CRYBG1: variants seen among roughly 807,000 people sequenced by gnomAD.
CRYBG1 encodes the protein beta/gamma crystallin domain-containing protein 1.
CRYBG1 carries 139 observed loss-of-function variants against 189.2 expected under a neutral mutation model. The observed-to-expected ratio is 0.73, with a 90% CI of 0.64 to 0.85. The LOEUF is 0.85. Ranked by LOEUF, CRYBG1 falls within the 40% of genes least tolerant of loss-of-function variation. The pLI is 0.00. For missense variants in CRYBG1, 2,611 were observed against 2,675.8 expected (o/e 0.98, Z 0.53); for synonymous variants, 1,023 against 1,017.1 (o/e 1.01, Z -0.11).
chr6:106,532,713 T>C (rs1371194870), intron 8 of CRYBG1, among the ~76,000 whole-genome samples: 1 of 152,234 alleles, frequency 6.6e-6, no homozygotes, highest in African/African-American at 2.4e-5. Flanking sequence ...CTTCTTTAAA[T>C]AAATGTACTG....
chr6:106,518,381 A>G (rs956907091), intron 3 of CRYBG1, among the ~76,000 whole-genome samples: 1 of 152,258 alleles, frequency 6.6e-6, no homozygotes, highest in Non-Finnish European at 1.5e-5. Flanking sequence ...TCCTTTTGAG[A>G]TAATATTTAA....
chr6:106,519,230 A>G lies in CRYBG1; in HGVS notation c.2022A>G (p.Lys674=). ...ATCCATTTAGCCAGCCAGTTCACAA[A>G]GGCAACACTGCCACCAAAATCTCCT... ...EHNPFSQPVH[K]GNTATKISLF... is the part of the protein sequence containing the mutation. Residue 674 remains lysine (K), a synonymous_variant, in exon 4 of 22, where the codon AAA becomes AAG. Coordinates refer to ENST00000633556, the MANE Select transcript of CRYBG1 (RefSeq NM_001371242.2). 2 of 1,614,128 alleles carry G rather than the reference A, an allele frequency of 1.2e-6. No homozygotes were observed. Among genetic ancestry groups the G allele is most frequent in the Non-Finnish European group, 1.7e-6 (2 of 1,180,020 alleles).
intron 6 of CRYBG1, 25 bp downstream of exon 6, chr6:106,525,411 G>T (rs1300667861): frequency 1.9e-6 from 3 of 1,564,464 alleles, no homozygotes; most frequent in Non-Finnish European, 2.6e-6. Context: ...TTAAGTTCCT[G>T]ATGTCAAGTG....
intron 13 of CRYBG1, among the ~76,000 whole-genome samples, chr6:106,549,653 TG>T (rs1279488456): frequency 6.9e-6 from 1 of 144,790 alleles, no homozygotes. Context: ...AATCGGGGGA[TG>T]GGGGGTGGTA....
chr6:106,456,319 A>AT (rs34545384), intron 2 of CRYBG1, among the ~76,000 whole-genome samples: 3,570 of 142,380 alleles, frequency 0.025, 99 homozygotes, highest in African/African-American at 0.071. Flanking sequence ...ATGCCCAGCT[A>AT]TTTTTTTTTT....
chr6:106,401,468 C>T (rs1478508104), intron 1 of CRYBG1, among the ~76,000 whole-genome samples: 1 of 135,850 alleles, frequency 7.4e-6, no homozygotes, highest in African/African-American at 2.9e-5. Flanking sequence ...AGGTTAGTTA[C>T]ATATGTATAC....
At chr6:106,487,699 A>G (rs547548513) in intron 2 of CRYBG1, among the ~76,000 whole-genome samples, 1 of 152,282 alleles carries the variant, frequency 6.6e-6, no homozygotes, top group East Asian at 1.9e-4. Context: ...AATTTCTCAT[A>G]CAGATTATGA....
chr6:106,493,555 A>G (rs1467552371), intron 2 of CRYBG1, among the ~76,000 whole-genome samples: 1 of 152,234 alleles, frequency 6.6e-6, no homozygotes, highest in Non-Finnish European at 1.5e-5. Context: ...TCTCTGCAGC[A>G]TTATTCACAA....
At chr6:106,478,651 T>C (rs975481113) in intron 2 of CRYBG1, among the ~76,000 whole-genome samples, 2 of 152,190 alleles carry the variant, frequency 1.3e-5, no homozygotes, top group Non-Finnish European at 2.9e-5. Flanking sequence ...CCCTGGACCA[T>C]AGACCAATAC....
chr6:106,416,468 A>C (rs1771022872), intron 1 of CRYBG1, among the ~76,000 whole-genome samples: 1 of 152,182 alleles, frequency 6.6e-6, no homozygotes, highest in African/African-American at 2.4e-5. Flanking sequence ...GTTTCATTTT[A>C]TATAAGCCTG....
intron 17 of CRYBG1, among the ~76,000 whole-genome samples, chr6:106,557,455 A>C (rs1038418602): frequency 4.0e-5 from 6 of 150,594 alleles, no homozygotes. Flanking sequence ...CCCAGGCTGG[A>C]GTGCAGTGGC....
chr6:106,443,659 C>T (rs1464476661), intron 1 of CRYBG1, among the ~76,000 whole-genome samples: 1 of 152,104 alleles, frequency 6.6e-6, no homozygotes, highest in African/African-American at 2.4e-5. Context: ...TCAGAGTTGC[C>T]CCTGGTACTT....
chr6:106,389,103 A>T (rs1174492878), intron 1 of CRYBG1, among the ~76,000 whole-genome samples: 2 of 152,106 alleles, frequency 1.3e-5, no homozygotes, highest in African/African-American at 4.8e-5. Flanking sequence ...TTCTTTCCCA[A>T]ATCTTCCTTT....
chr6:106,401,061 C>G (rs1770710438), intron 1 of CRYBG1, among the ~76,000 whole-genome samples: 1 of 152,196 alleles, frequency 6.6e-6, no homozygotes, highest in Non-Finnish European at 1.5e-5. Context: ...CTCCTGCAAG[C>G]TCCTACATCA....
intron 1 of CRYBG1, among the ~76,000 whole-genome samples, chr6:106,404,429 G>A (rs1770777251): frequency 6.6e-6 from 1 of 152,162 alleles, no homozygotes; most frequent in Non-Finnish European, 1.5e-5. Context: ...AATTAAAATT[G>A]AGGTGTATGA....
At chr6:106,518,972 T>C (rs9486377) in intron 3 of CRYBG1, among the ~76,000 whole-genome samples, 159 bp from the exon 4 acceptor site, 743 of 32,096 alleles carry the variant, frequency 0.023, 4 homozygotes, top group African/African-American at 0.029. Flanking sequence ...AACACATGTG[T>C]GCGCACACAC....
chr6:106,527,527 T>C (rs1773769658), intron 7 of CRYBG1, 57 bp downstream of exon 7: 4 of 1,536,068 alleles, frequency 2.6e-6, no homozygotes, highest in Admixed American at 2.0e-5. Context: ...GGATTCTTAC[T>C]TTAAGGGAAA....
At position 106,544,860 on chromosome 6, in the gene CRYBG1, T is replaced by C; in HGVS notation, c.5239T>C (p.Leu1747=). The stretch of plus-strand genomic sequence containing the variant: ...ATCCAAAGGTTCCAGTATTGATGTA[T>C]TGGGAATTGTTGCTAATTTAAAGGA... ...FGSKGSSIDV[L]GIVANLKETG... Residue 1747 remains leucine (L), a synonymous_variant, in exon 13 of 22, where the codon TTG becomes CTG. Coordinates refer to ENST00000633556, the MANE Select transcript of CRYBG1 (RefSeq NM_001371242.2). 6.2e-7 allele frequency: 1 copy of C among 1,613,832 alleles called. No individual in the cohort carries two copies. Among genetic ancestry groups the C allele is most frequent in the Non-Finnish European group, 8.5e-7 (1 of 1,179,818 alleles).
At chr6:106,426,765 A>T (rs896375736) in intron 1 of CRYBG1, among the ~76,000 whole-genome samples, 3 of 152,142 alleles carry the variant, frequency 2.0e-5, no homozygotes, top group African/African-American at 7.2e-5. Context: ...CGTTAATTCT[A>T]CCCAAATTTA....
Sources: gnomAD v4.1 joint callset for allele counts (sites outside exome capture counted in the v4.1 genomes callset) on GRCh38, gnomAD v4.1.1 for gene constraint, MANE v1.5 for transcripts, NCBI Gene and HGNC (gene_info 2026-07-23, HGNC 2026-07-21) for gene names.